The following TMEM67 variants were observed in gnomAD, a reference collection of about 807,000 sequenced individuals.
TMEM67 encodes meckelin.
Under a neutral mutation model 136.6 loss-of-function variants are expected in TMEM67, and 124 were observed. The observed-to-expected ratio is 0.91, with a 90% CI of 0.78 to 1.05. The LOEUF is 1.05. Among genes scored for constraint, TMEM67 ranks in the 50% least tolerant of loss-of-function variants. The pLI is 0.00. For missense variants in TMEM67, 1,107 were observed against 1,178.4 expected (o/e 0.94, Z 0.89); for synonymous variants, 364 against 390.5 (o/e 0.93, Z 0.80).
intron 26 of TMEM67, among the ~76,000 whole-genome samples, chr8:93,811,641 C>A (rs1381363150): frequency 6.6e-6 from 1 of 151,952 alleles, no homozygotes; most frequent in Non-Finnish European, 1.5e-5. Context: ...AGTTTAATCA[C>A]CCTTAATCTA....
In TMEM67 at chr8:93,797,312, A is replaced by G. The variant is rs996724179; in HGVS notation, c.1961-19A>G. 29 of 1,613,972 alleles carry G rather than the reference A, an allele frequency of 1.8e-5. No homozygotes were observed. Among genetic ancestry groups the G allele is most frequent in the Non-Finnish European group, 2.4e-5 (28 of 1,179,966 alleles). ...CAAAGGAGGTAAAACTCTTTTACTC[A>G]TTTTATTTTCCTGACCAGGTGAGGG... On this transcript the variant is annotated intron_variant, in intron 19 of 27. Transcript: ENST00000453321.
chr8:93,765,725 G>A (rs954419639), intron 6 of TMEM67, 79 bp downstream of exon 6: 21 of 912,530 alleles, frequency 2.3e-5, no homozygotes, highest in African/African-American at 9.8e-5. Context: ...AGGCTAGAAT[G>A]AGAAACCCTT....
In TMEM67 at chr8:93,791,236, G is replaced by A. The variant is rs935844964; in HGVS notation, c.1519-27G>A. On this transcript the variant is annotated intron_variant, in intron 14 of 27. Coordinates refer to ENST00000453321, the MANE Select transcript of TMEM67 (RefSeq NM_153704.6). ...GTTTGTATCATATAATTTCAGTATA[G>A]CTAATTTGTTTTGTTTTAAATATCA... 7.4e-6 allele frequency: 11 copies of A among 1,488,944 alleles called. No homozygotes were observed. In the African/African-American group the frequency reaches 1.5e-4, roughly 21 times the overall value. 92.2% of individuals were successfully genotyped at this position (1,488,944 alleles called of 1,614,324 possible).
chr8:93,831,835 T>C, the TMEM67 span, among the ~76,000 whole-genome samples: 16 of 152,192 alleles, frequency 1.1e-4, no homozygotes, highest in Non-Finnish European at 1.8e-4. Context: ...TCTCTTGCCC[T>C]GCAGCTATTG....
chr8:93,794,585 A>T (rs1026213037), intron 16 of TMEM67, among the ~76,000 whole-genome samples: 2 of 152,250 alleles, frequency 1.3e-5, no homozygotes, highest in Non-Finnish European at 2.9e-5. Context: ...GAAAGGTTAC[A>T]TGGTAGCTTT....
intron 20 of TMEM67, 41 bp downstream of exon 20, chr8:93,797,511 C>G: frequency 6.4e-7 from 1 of 1,572,390 alleles, no homozygotes; most frequent in Non-Finnish European, 8.7e-7. Flanking sequence ...CTTACATGTA[C>G]CTTATAAATA....
At chr8:93,803,342 G>T (rs988910023) in intron 21 of TMEM67, among the ~76,000 whole-genome samples, 1 of 152,124 alleles carries the variant, frequency 6.6e-6, no homozygotes, top group Non-Finnish European at 1.5e-5. Context: ...CTTCCCACGT[G>T]TTTGTCATAG....
the TMEM67 span, among the ~76,000 whole-genome samples, chr8:93,831,673 TGTG>T: frequency 6.6e-6 from 1 of 150,730 alleles, no homozygotes; most frequent in African/African-American, 2.4e-5. Flanking sequence ...TGCATGTGCT[TGTG>T]TGTGTGTGCA....
chr8:93,783,637 C>T (rs1342418683), intron 11 of TMEM67, among the ~76,000 whole-genome samples: 2 of 152,184 alleles, frequency 1.3e-5, no homozygotes, highest in Non-Finnish European at 2.9e-5. Context: ...AATAAAAACA[C>T]ATCCGAGACT....
rs115195998 is a variant in TMEM67, at chr8:93,797,200, C to T, written c.1927C>T (p.Arg643Ter). 22 of 1,612,838 alleles carry T rather than the reference C, an allele frequency of 1.4e-5. No individual in the cohort carries two copies. The highest frequency in any genetic ancestry group is 1.1e-4 in the East Asian group (5 of 44,844). Residue 643 changes from arginine (R) to a stop codon, truncating the protein, a stop_gained, in exon 19 of 28, where the codon CGA becomes TGA. Transcript: ENST00000453321. LOFTEE classifies it high-confidence loss of function. The stretch of plus-strand genomic sequence containing the variant: ...AGATGTATTCTTTATTGATTGGGAG[C>T]GACCTAAAGGAAAGGTTCTTAAAGC... ...TIDVFFIDWE[R>*]PKGKVLKAVE... is the part of the protein sequence containing the mutation.
intron 14 of TMEM67, among the ~76,000 whole-genome samples, chr8:93,790,686 A>G (rs1814336006): frequency 6.6e-6 from 1 of 152,196 alleles, no homozygotes; most frequent in South Asian, 2.1e-4. Context: ...ATTTCCACAT[A>G]TAGTGGCTTT....
intron 3 of TMEM67, among the ~76,000 whole-genome samples, chr8:93,761,834 A>G (rs1272081182): frequency 6.6e-6 from 1 of 152,256 alleles, no homozygotes; most frequent in East Asian, 1.9e-4. Context: ...ACCATTATAT[A>G]TGCATATGTG....
chr8:93,755,546 A>T (rs1812529739), intron 1 of TMEM67, among the ~76,000 whole-genome samples: 1 of 152,146 alleles, frequency 6.6e-6, no homozygotes, highest in South Asian at 2.1e-4. Flanking sequence ...GCCAAGGCAG[A>T]GAGTTTAGTA....
At chr8:93,791,409 C>A in intron 15 of TMEM67, 90 bp downstream of exon 15, 8 of 888,558 alleles carry the variant, frequency 9.0e-6, no homozygotes, top group South Asian at 7.5e-5. Flanking sequence ...AACAAATTTG[C>A]CAGCTATTCT....
chr8:93,780,903 G>C lies in TMEM67; in HGVS notation c.899G>C (p.Gly300Ala). ...CAGAATCTTCCTTGGCTGTTTTATG[G>C]AGACCAGTTAGGATTAGCACCTCAA... is the stretch of plus-strand genomic sequence containing the variant. ...WRQNLPWLFY[G>A]DQLGLAPQVL... The change falls in exon 9 of 28, where the codon GGA becomes GCA. Residue 300 changes from glycine to alanine, a missense_variant. By Grantham distance (60) the Gly-to-Ala change is moderately conservative (BLOSUM62 0). Transcript: ENST00000453321. 1 of 1,612,294 alleles carries C rather than the reference G, an allele frequency of 6.2e-7. No homozygotes were observed. The highest frequency in any genetic ancestry group is 1.1e-5 in the South Asian group (1 of 90,996).
At chr8:93,759,921 T>C (rs1454374714) in intron 3 of TMEM67, 2 of 1,513,596 alleles carry the variant, frequency 1.3e-6, no homozygotes, top group Admixed American at 2.0e-5. Flanking sequence ...AGTGCTGGGA[T>C]ACAGGCTTGA....
At position 93,797,204 on chromosome 8, in the gene TMEM67, C is replaced by T. The variant is rs761690524; in HGVS notation, c.1931C>T (p.Pro644Leu). Residue 644 changes from proline to leucine, a missense_variant, in exon 19 of 28, where the codon CCT becomes CTT. By Grantham distance (98) the Pro-to-Leu change is moderately conservative. This residue lies in a region of TMEM67 where 925 missense variants were observed against 1,002.4 expected (regional missense o/e 0.92). Coordinates refer to ENST00000453321, the MANE Select transcript of TMEM67 (RefSeq NM_153704.6). ...GTATTCTTTATTGATTGGGAGCGAC[C>T]TAAAGGAAAGGTTCTTAAAGCTGTT... Reference protein sequence around the residue: ...IDVFFIDWERPKGKVLKAVEG... With the variant: ...IDVFFIDWERLKGKVLKAVEG... 6.2e-7 allele frequency: 1 copy of T among 1,613,216 alleles called. No individual in the cohort carries two copies. Among genetic ancestry groups the T allele is most frequent in the Non-Finnish European group, 8.5e-7 (1 of 1,179,370 alleles).
rs571904995 is a variant in TMEM67 at position 93,755,506 on chromosome 8, A to AT, written c.224-264dup. Among the ~76,000 whole-genome samples, 95 of 152,050 alleles carry AT rather than the reference A, an allele frequency of 6.2e-4. 1 individual carries two copies. In the East Asian group the frequency reaches 7.7e-3, roughly 12 times the overall value. On this transcript the variant is annotated intron_variant, in intron 1 of 27. Transcript: ENST00000453321. ...TACTAACCCTGTGAGGTAGGTACCA[A>AT]TTTTTTTTCTCCATTTTATTGTAGA...
chr8:93,830,349 GT>G, the TMEM67 span, among the ~76,000 whole-genome samples: 1 of 152,180 alleles, frequency 6.6e-6, no homozygotes, highest in Non-Finnish European at 1.5e-5. Flanking sequence ...TGGTCAATGT[GT>G]TTCCCTGAGT....
Sources: allele counts gnomAD v4.1 joint callset (sites outside exome capture counted in the v4.1 genomes callset), GRCh38; gene constraint gnomAD v4.1.1; regional missense constraint gnomAD v4.1.1; transcripts MANE v1.5; gene names NCBI Gene and HGNC (gene_info 2026-07-23, HGNC 2026-07-21).